Variants in MARCHF2 observed in about 807,000 individuals in gnomAD.
MARCHF2 encodes the protein E3 ubiquitin-protein ligase MARCHF2.
Under a neutral mutation model 24.0 loss-of-function variants are expected in MARCHF2, and 22 were observed. The observed-to-expected ratio is 0.92, with a 90% CI of 0.66 to 1.31. The LOEUF (loss-of-function observed/expected upper bound fraction) is 1.31. Ranked by LOEUF, MARCHF2 falls within the 50% of genes most tolerant of loss-of-function variation. The pLI, the probability that MARCHF2 is intolerant of heterozygous loss-of-function variation, is 0.00. For missense variants in MARCHF2, 301 were observed against 335.3 expected (o/e 0.90, Z 0.80); for synonymous variants, 154 against 153.0 (o/e 1.01, Z -0.05).
rs954742265 is a variant in MARCHF2 at position 8,438,736 on chromosome 19, T to G, written c.*190T>G. Reference sequence around the variant, plus strand: ...TGTGAAGATATTTTCAGGGTTTTTTTTTTTTTTTTTTTGCATATGGAGGAC... The same window carrying G: ...TGTGAAGATATTTTCAGGGTTTTTTGTTTTTTTTTTTTGCATATGGAGGAC... On this transcript the variant is annotated 3_prime_UTR_variant, in exon 5 of 5. Coordinates refer to ENST00000215555, the MANE Select transcript of MARCHF2 (RefSeq NM_001005415.2). 6.0e-5 allele frequency: 33 copies of G among 552,602 alleles called. No individual in the cohort carries two copies. The highest frequency in any genetic ancestry group is 9.7e-5 in the Admixed American group (3 of 30,942). The allele number at this position is 552,602 out of a possible 1,614,324, so 34.2% of individuals were successfully genotyped here. A position where few individuals can be genotyped will look rare whatever the true frequency, so the allele number is the denominator to read the frequency against.
chr19:8,435,307 C>T lies in MARCHF2; in HGVS notation c.583-3081C>T, dbSNP rs995648039. Among the ~76,000 whole-genome samples the T allele has an allele frequency of 4.6e-5, 7 of 151,462 alleles. No individual in the cohort carries two copies. In the South Asian group the frequency reaches 6.2e-4, roughly 14 times the overall value. Reference sequence around the variant, plus strand: ...TGCTGGGATTACAGGTGTGAGCCACCACACTAGGCCATTTTTAAATTTTTT... The same window carrying T: ...TGCTGGGATTACAGGTGTGAGCCACTACACTAGGCCATTTTTAAATTTTTT... On this transcript the variant is annotated intron_variant, in intron 4 of 4. Transcript: ENST00000215555.
intron 4 of MARCHF2, among the ~76,000 whole-genome samples, chr19:8,434,726 A>T (rs1156654895): frequency 6.6e-6 from 1 of 151,932 alleles, no homozygotes; most frequent in Non-Finnish European, 1.5e-5. Flanking sequence ...TTATTTATTT[A>T]GCCGGAGTCT....
intron 2 of MARCHF2, among the ~76,000 whole-genome samples, chr19:8,422,292 C>A (rs757575988): frequency 2.0e-5 from 3 of 152,058 alleles, no homozygotes; most frequent in Non-Finnish European, 4.4e-5. Flanking sequence ...GTATAGGGGG[C>A]GGTCAGGAGT....
At chr19:8,428,464 G>C (rs969700446) in intron 3 of MARCHF2, among the ~76,000 whole-genome samples, 1 of 151,086 alleles carries the variant, frequency 6.6e-6, no homozygotes, top group Non-Finnish European at 1.5e-5. Context: ...CTCCAGCCTG[G>C]GTGACAAAGC....
At chr19:8,416,354 A>AG (rs1312813300) in intron 1 of MARCHF2, among the ~76,000 whole-genome samples, 1 of 151,832 alleles carries the variant, frequency 6.6e-6, no homozygotes, top group Non-Finnish European at 1.5e-5. Flanking sequence ...AAAAAAAAAA[A>AG]AAAAAAAATG....
chr19:8,423,152 T>C (rs1207140510), intron 2 of MARCHF2, among the ~76,000 whole-genome samples: 1 of 150,116 alleles, frequency 6.7e-6, no homozygotes, highest in East Asian at 2.0e-4. Context: ...CTCTGCCTCC[T>C]GGGTTCAAGC....
intron 2 of MARCHF2, among the ~76,000 whole-genome samples, chr19:8,423,985 CAAA>C (rs142383974): frequency 5.7e-5 from 6 of 104,906 alleles, no homozygotes; most frequent in Non-Finnish European, 7.3e-5. Flanking sequence ...CTGGGTGACT[CAAA>C]AAAAAAAAAA....
Position 8,421,892 on chromosome 19 carries a change from G to T in MARCHF2, c.52G>T (p.Gly18Cys). 1 of 1,613,558 alleles carries T rather than the reference G, an allele frequency of 6.2e-7. No individual in the cohort carries two copies. The highest frequency in any genetic ancestry group is 8.5e-7 in the Non-Finnish European group (1 of 1,179,794). Reference protein sequence around the residue: ...HLPGSLCDCSGSPAFSKVVEA... With the variant: ...HLPGSLCDCSCSPAFSKVVEA... ...CCCCGGCTCCCTGTGTGACTGCTCCGGCAGCCCTGCCTTCTCCAAGGTCGT... is the reference window on the plus strand; with the variant it reads ...CCCCGGCTCCCTGTGTGACTGCTCCTGCAGCCCTGCCTTCTCCAAGGTCGT... The change falls in exon 2 of 5, where the codon GGC becomes TGC. Residue 18 changes from glycine to cysteine, a missense_variant. Coordinates refer to ENST00000215555, the MANE Select transcript of MARCHF2 (RefSeq NM_001005415.2).
intron 4 of MARCHF2, 119 bp from the exon 5 acceptor site, chr19:8,438,269 C>A (rs1967783404): frequency 3.9e-6 from 4 of 1,026,050 alleles, no homozygotes; most frequent in Non-Finnish European, 4.4e-6. Flanking sequence ...CATAAGCCAG[C>A]TCTGCTTCTG....
chr19:8,419,817 A>G (rs1235251582), intron 1 of MARCHF2, among the ~76,000 whole-genome samples: 1 of 144,280 alleles, frequency 6.9e-6, no homozygotes, highest in Non-Finnish European at 1.5e-5. Flanking sequence ...CTCCGTCTCA[A>G]AAAAAAAATA....
At chr19:8,433,546 C>T (rs549261412) in intron 4 of MARCHF2, among the ~76,000 whole-genome samples, 3 of 151,978 alleles carry the variant, frequency 2.0e-5, no homozygotes, top group African/African-American at 7.2e-5. Context: ...TGTGGTGGCA[C>T]ATGCCTGTAA....
At chr19:8,418,112 G>C (rs1259369482) in intron 1 of MARCHF2, among the ~76,000 whole-genome samples, 1 of 152,026 alleles carries the variant, frequency 6.6e-6, no homozygotes, top group Non-Finnish European at 1.5e-5. Context: ...GCCTCAGAAG[G>C]GCTGGGCTGG....
chr19:8,437,349 A>ATTT (rs1242806670), intron 4 of MARCHF2, among the ~76,000 whole-genome samples: 2 of 25,244 alleles, frequency 7.9e-5, no homozygotes, highest in African/African-American at 1.3e-4. Flanking sequence ...TCATTCACCT[A>ATTT]TTTTTTTTTT....
chr19:8,428,031 C>T (rs992158237), intron 3 of MARCHF2, among the ~76,000 whole-genome samples: 34 of 151,956 alleles, frequency 2.2e-4, no homozygotes, highest in African/African-American at 7.7e-4. Context: ...GAGGCCGAGG[C>T]GGGCGGATCA....
intron 4 of MARCHF2, among the ~76,000 whole-genome samples, chr19:8,437,085 T>C (rs1478428128): frequency 6.6e-6 from 1 of 151,720 alleles, no homozygotes; most frequent in South Asian, 2.1e-4. Flanking sequence ...GCTCAAATGA[T>C]TCTCCTACCC....
At position 8,430,953 on chromosome 19, in the gene MARCHF2, G is replaced by A; in HGVS notation, c.582+86G>A. On this transcript the variant is annotated intron_variant, in intron 4 of 4. Transcript: ENST00000215555. This position sits in a 1 kb window ranked among gnomAD's most constrained non-coding sequence, Gnocchi z 4.4. The stretch of plus-strand genomic sequence containing the variant: ...AAGGATTTGGCCCCTGGCTTGTGGG[G>A]CACGGGGCTCCCTGGCTGCCTCTGT... 2 of 1,369,356 alleles carry A rather than the reference G, an allele frequency of 1.5e-6. No individual in the cohort carries two copies. Among genetic ancestry groups the A allele is most frequent in the South Asian group, 1.3e-5 (1 of 74,110 alleles). The allele number at this position is 1,369,356 out of a possible 1,614,324, so 84.8% of individuals were successfully genotyped here. A position where few individuals can be genotyped will look rare whatever the true frequency, so the allele number is the denominator to read the frequency against.
chr19:8,426,585 C>T (rs995308178), intron 2 of MARCHF2, 24 bp from the exon 3 acceptor site: 6 of 1,603,610 alleles, frequency 3.7e-6, no homozygotes, highest in Non-Finnish European at 5.1e-6. Flanking sequence ...AATCATTGCT[C>T]ATGGGTCCTA....
intron 3 of MARCHF2, among the ~76,000 whole-genome samples, chr19:8,427,352 G>A (rs1967434190): frequency 6.6e-6 from 1 of 151,632 alleles, no homozygotes; most frequent in Non-Finnish European, 1.5e-5. Flanking sequence ...CCCAGCCTGT[G>A]TCTTTCATTA....
At chr19:8,425,186 T>C (rs1967363698) in intron 2 of MARCHF2, among the ~76,000 whole-genome samples, 1 of 151,524 alleles carries the variant, frequency 6.6e-6, no homozygotes, top group Non-Finnish European at 1.5e-5. Context: ...CCATCCTGGC[T>C]AACACGGTGA....
Sources: gnomAD v4.1 joint callset for allele counts (sites outside exome capture counted in the v4.1 genomes callset) on GRCh38, gnomAD v4.1.1 for gene constraint, Gnocchi (gnomAD v3.1) non-coding constraint, MANE v1.5 for transcripts, NCBI Gene and HGNC (gene_info 2026-07-23, HGNC 2026-07-21) for gene names.